The following CMTM5 variants were observed in gnomAD, a reference collection of about 807,000 sequenced individuals.
The protein encoded by CMTM5 is CKLF-like MARVEL transmembrane domain-containing protein 5.
Under a neutral mutation model 26.9 loss-of-function variants are expected in CMTM5, and 25 were observed. The ratio of observed to expected loss-of-function variants is 0.93; its 90% CI spans 0.68 to 1.30. The LOEUF (loss-of-function observed/expected upper bound fraction) is 1.30. Among genes scored for constraint, CMTM5 ranks in the 50% most tolerant of loss-of-function variants. The pLI, the probability that CMTM5 is intolerant of heterozygous loss-of-function variation, is 0.00. For missense variants in CMTM5, 292 were observed against 289.6 expected (o/e 1.01, Z -0.06); for synonymous variants, 98 against 115.5 (o/e 0.85, Z 0.97).
rs548929320 is a variant in CMTM5 at position 23,378,356 on chromosome 14, C to A, written c.134C>A (p.Thr45Asn). ...GILLETELAL[T>N]LIIFICFTAS... ...ACATGCTCGGTCCTGCAGGCCCTGA[C>A]CCTCATCATCTTCATCTGCTTCACG... The change falls in exon 2 of 6, where the codon ACC becomes AAC. Residue 45 changes from threonine to asparagine, a missense_variant. Coordinates refer to ENST00000339180, the MANE Select transcript of CMTM5 (RefSeq NM_001288746.2). This position sits in a 1 kb window ranked among gnomAD's most constrained non-coding sequence, Gnocchi z 4.2. 3.7e-6 allele frequency: 6 copies of A among 1,613,932 alleles called. No homozygotes were observed. In the East Asian group the frequency reaches 1.1e-4, roughly 30 times the overall value.
chr14:23,377,082 GC>G lies in CMTM5; in HGVS notation c.-165del. On this transcript the variant is annotated 5_prime_UTR_variant, in exon 1 of 6. Coordinates refer to ENST00000339180, the MANE Select transcript of CMTM5 (RefSeq NM_001288746.2). This position sits in a 1 kb window ranked among gnomAD's most constrained non-coding sequence, Gnocchi z 4.6. ...CTGGGTGAGGGCCCATCTGGGCAAG[GC>G]CCCCAGCGCCTGCCTTCTCTCCCGG... 1 of 859,782 alleles carries G rather than the reference GC, an allele frequency of 1.2e-6. No individual in the cohort carries two copies. The highest frequency in any genetic ancestry group is 1.8e-6 in the Non-Finnish European group (1 of 568,402). 53.3% of individuals were successfully genotyped at this position (859,782 alleles called of 1,614,324 possible).
chr14:23,379,209 G>A, intron 4 of CMTM5, 86 bp downstream of exon 4: 1 of 1,599,890 alleles, frequency 6.3e-7, no homozygotes. Context: ...CCACAGCCAG[G>A]ACTTGGGGTT....
At position 23,377,990 on chromosome 14, in the gene CMTM5, G is replaced by A. The variant is rs1595040551; in HGVS notation, c.127-359G>A. The A allele has an allele frequency of 4.1e-5, 10 of 245,552 alleles. No individual in the cohort carries two copies. In the East Asian group the frequency reaches 1.0e-3, roughly 26 times the overall value. The allele number at this position is 245,552 out of a possible 1,614,324, so 15.2% of individuals were successfully genotyped here. On this transcript the variant is annotated intron_variant, in intron 1 of 5. Transcript: ENST00000339180. The surrounding 1 kb of genome is among the most constrained non-coding windows in gnomAD (Gnocchi z 4.6). ...GGGGTGGGGAAAGCATTATGAGGCA[G>A]GGGGCTCCTCTTGGTCCCTGTGGAG...
Position 23,379,671 on chromosome 14 carries a change from A to G in CMTM5, c.*184A>G. On this transcript the variant is annotated 3_prime_UTR_variant, in exon 6 of 6. Transcript: ENST00000339180. ...CTGGTGCTCCAGGATGTGGCTTCTCATGAAGCTCTGGCCAGAGGAGGGGAA... is the reference window on the plus strand; with the variant it reads ...CTGGTGCTCCAGGATGTGGCTTCTCGTGAAGCTCTGGCCAGAGGAGGGGAA... 9.1e-7 allele frequency: 1 copy of G among 1,102,336 alleles called. No homozygotes were observed. The highest frequency in any genetic ancestry group is 1.5e-5 in the South Asian group (1 of 66,644). 68.3% of individuals were successfully genotyped at this position (1,102,336 alleles called of 1,614,324 possible). A position where few individuals can be genotyped will look rare whatever the true frequency, so the allele number is the denominator to read the frequency against.
At position 23,379,646 on chromosome 14, in the gene CMTM5, C is replaced by T. The variant is rs1890782842; in HGVS notation, c.*159C>T. 8.6e-6 allele frequency: 11 copies of T among 1,276,478 alleles called. No individual in the cohort carries two copies. The highest frequency in any genetic ancestry group is 1.1e-5 in the Non-Finnish European group (11 of 986,964). The allele number at this position is 1,276,478 out of a possible 1,614,324, so 79.1% of individuals were successfully genotyped here. A position where few individuals can be genotyped will look rare whatever the true frequency, so the allele number is the denominator to read the frequency against. On this transcript the variant is annotated 3_prime_UTR_variant, in exon 6 of 6. Coordinates refer to ENST00000339180, the MANE Select transcript of CMTM5 (RefSeq NM_001288746.2). ...GTCACTGGGGACTTATCTGTGGAGC[C>T]TGGTGCTCCAGGATGTGGCTTCTCA... is the stretch of plus-strand genomic sequence containing the variant.
Position 23,377,106 on chromosome 14 carries a change from C to T in CMTM5, c.-146C>T, listed in dbSNP as rs562083083. ...GGCCCCCAGCGCCTGCCTTCTCTCC[C>T]GGGGCCCTGTGGGCAAGCCTCCTGC... On this transcript the variant is annotated 5_prime_UTR_variant, in exon 1 of 6. Transcript: ENST00000339180. The surrounding 1 kb of genome is among the most constrained non-coding windows in gnomAD (Gnocchi z 4.6). 1,210 of 1,145,904 alleles carry T rather than the reference C, an allele frequency of 1.1e-3. 5 individuals are homozygous for T. The highest frequency in any genetic ancestry group is 1.1e-3 in the Non-Finnish European group (916 of 810,226). The allele number at this position is 1,145,904 out of a possible 1,614,324, so 71.0% of individuals were successfully genotyped here. A position where few individuals can be genotyped will look rare whatever the true frequency, so the allele number is the denominator to read the frequency against.
In CMTM5 at chr14:23,378,916, T is replaced by G; in HGVS notation, c.480+47T>G. ...TGTGCTTCATATTGTGTGAGGGGTA[T>G]CCTATGGAGGGGTTCAGAATCCCTC... On this transcript the variant is annotated intron_variant, in intron 3 of 5. Transcript: ENST00000339180. This position sits in a 1 kb window ranked among gnomAD's most constrained non-coding sequence, Gnocchi z 4.2. 1 of 1,607,848 alleles carries G rather than the reference T, an allele frequency of 6.2e-7. No homozygotes were observed. The highest frequency in any genetic ancestry group is 8.5e-7 in the Non-Finnish European group (1 of 1,175,798).
Position 23,377,258 on chromosome 14 carries a change from A to G in CMTM5, c.7A>G (p.Ser3Gly). The G allele has an allele frequency of 6.2e-7, 1 of 1,612,096 alleles. No homozygotes were observed. Among genetic ancestry groups the G allele is most frequent in the Non-Finnish European group, 8.5e-7 (1 of 1,179,290 alleles). Residue 3 changes from serine to glycine, a missense_variant, in exon 1 of 6, where the codon AGT becomes GGT. By Grantham distance (56) the Ser-to-Gly change is moderately conservative. Coordinates refer to ENST00000339180, the MANE Select transcript of CMTM5 (RefSeq NM_001288746.2). This position sits in a 1 kb window ranked among gnomAD's most constrained non-coding sequence, Gnocchi z 4.6. ...GTTGGTGGGCCCTACGAAGATGCTC[A>G]GTGCTCGAGATCGCCGGGACCGGCA... ML[S>G]ARDRRDRHPE...
rs191402703 is a variant in CMTM5, at chr14:23,378,982, C to T, written c.481-49C>T. The T allele has an allele frequency of 9.6e-3, 15,446 of 1,608,444 alleles. 94 individuals carry two copies. The highest frequency in any genetic ancestry group is 0.012 in the Non-Finnish European group (13,844 of 1,175,582). On this transcript the variant is annotated intron_variant, in intron 3 of 5. Coordinates refer to ENST00000339180, the MANE Select transcript of CMTM5 (RefSeq NM_001288746.2). This position sits in a 1 kb window ranked among gnomAD's most constrained non-coding sequence, Gnocchi z 4.2. ...GCTAGCCTGGAAAACTTCAGGGTAA[C>T]GCCCCCTGCCTTCTGAGGTCCTGTT...
Position 23,377,091 on chromosome 14 carries a change from G to A in CMTM5, c.-161G>A, listed in dbSNP as rs764874411. On this transcript the variant is annotated 5_prime_UTR_variant, in exon 1 of 6. Coordinates refer to ENST00000339180, the MANE Select transcript of CMTM5 (RefSeq NM_001288746.2). This position sits in a 1 kb window ranked among gnomAD's most constrained non-coding sequence, Gnocchi z 4.6. The stretch of plus-strand genomic sequence containing the variant: ...GGCCCATCTGGGCAAGGCCCCCAGC[G>A]CCTGCCTTCTCTCCCGGGGCCCTGT... 207 of 955,164 alleles carry A rather than the reference G, an allele frequency of 2.2e-4. No homozygotes were observed. Among genetic ancestry groups the A allele is most frequent in the Admixed American group, 3.9e-4 (15 of 38,712 alleles). 59.2% of individuals were successfully genotyped at this position (955,164 alleles called of 1,614,324 possible). A position where few individuals can be genotyped will look rare whatever the true frequency, so the allele number is the denominator to read the frequency against.
chr14:23,378,406 G>A lies in CMTM5; in HGVS notation c.184G>A (p.Ala62Thr), dbSNP rs758763630. The A allele has an allele frequency of 4.7e-5, 76 of 1,613,944 alleles. No individual in the cohort carries two copies. The South Asian group carries it at 7.2e-4, about 15-fold the overall frequency. The change falls in exon 2 of 6, where the codon GCG (alanine) becomes ACG (threonine). Residue 62 changes from alanine (A) to threonine (T), a missense_variant. Coordinates refer to ENST00000339180, the MANE Select transcript of CMTM5 (RefSeq NM_001288746.2). The surrounding 1 kb of genome is among the most constrained non-coding windows in gnomAD (Gnocchi z 4.2). ...FTASISAYMA[A>T]ALLEFFITLA... ...GGCCTCCATCTCTGCCTACATGGCC[G>A]CGGCGCTACTGGAGTTCTTCATCAC...
rs1437408932 is a variant in CMTM5, at chr14:23,377,923, A to G, written c.127-426A>G. 1 of 197,900 alleles carries G rather than the reference A, an allele frequency of 5.1e-6. No individual in the cohort carries two copies. Among genetic ancestry groups the G allele is most frequent in the Non-Finnish European group, 1.0e-5 (1 of 98,402 alleles). The allele number at this position is 197,900 out of a possible 1,614,324, so 12.3% of individuals were successfully genotyped here. A position where few individuals can be genotyped will look rare whatever the true frequency, so the allele number is the denominator to read the frequency against. ...CATCTGCCTTCTCTCTTGGCATGGA[A>G]TCAAAGGCTCTGGTCCTTGTCAGGG... On this transcript the variant is annotated intron_variant, in intron 1 of 5. Transcript: ENST00000339180. The surrounding 1 kb of genome is among the most constrained non-coding windows in gnomAD (Gnocchi z 4.6).
At chr14:23,379,178 G>A in intron 4 of CMTM5, 55 bp downstream of exon 4, 1 of 1,601,840 alleles carries the variant, frequency 6.2e-7, no homozygotes, top group Non-Finnish European at 8.5e-7. Context: ...GCTGGTGCTT[G>A]CACACTTTCT....
Position 23,378,798 on chromosome 14 carries a change from G to A in CMTM5, c.409G>A (p.Val137Ile). 6.2e-7 allele frequency: 1 copy of A among 1,612,592 alleles called. No homozygotes were observed. Among genetic ancestry groups the A allele is most frequent in the Non-Finnish European group, 8.5e-7 (1 of 1,179,818 alleles). The change falls in exon 3 of 6, where the codon GTT becomes ATT. Residue 137 changes from valine to isoleucine, a missense_variant. Coordinates refer to ENST00000339180, the MANE Select transcript of CMTM5 (RefSeq NM_001288746.2). The surrounding 1 kb of genome is among the most constrained non-coding windows in gnomAD (Gnocchi z 4.2). ...GWHTPAAVPW[V>I]PAPAPGFWSW... is the part of the protein sequence containing the mutation. ...GCATACTCCAGCCGCTGTCCCCTGG[G>A]TTCCAGCCCCAGCGCCTGGCTTCTG...
Position 23,378,076 on chromosome 14 carries a change from TGG to T in CMTM5, c.127-271_127-270del. The T allele has an allele frequency of 2.0e-6, 1 of 512,392 alleles. No individual in the cohort carries two copies. The highest frequency in any genetic ancestry group is 3.5e-6 in the Non-Finnish European group (1 of 285,848). The allele number at this position is 512,392 out of a possible 1,614,324, so 31.7% of individuals were successfully genotyped here. A position where few individuals can be genotyped will look rare whatever the true frequency, so the allele number is the denominator to read the frequency against. On this transcript the variant is annotated intron_variant, in intron 1 of 5. Transcript: ENST00000339180. The surrounding 1 kb of genome is among the most constrained non-coding windows in gnomAD (Gnocchi z 4.2). ...TTCACACTGTACCTATGAATTACTGTGGGATAGTGCTCCTGGGAGCCATATGG... is the reference window on the plus strand; with the variant it reads ...TTCACACTGTACCTATGAATTACTGTGATAGTGCTCCTGGGAGCCATATGG...
upstream of CMTM5, chr14:23,376,816 A>AG (rs1890576494): frequency 6.1e-6 from 1 of 164,618 alleles, no homozygotes; most frequent in Non-Finnish European, 1.3e-5. Flanking sequence ...AGGTTAGAGA[A>AG]GGGGGACACA....
chr14:23,379,205 C>A (rs973270433), intron 4 of CMTM5, 82 bp downstream of exon 4: 196 of 1,598,818 alleles, frequency 1.2e-4, no homozygotes, highest in Non-Finnish European at 1.6e-4. Context: ...GAAGCCACAG[C>A]CAGGACTTGG....
In CMTM5 at chr14:23,377,246, A is replaced by T; in HGVS notation, c.-6A>T. ...GTAGGGGGCTGTGTTGGTGGGCCCT[A>T]CGAAGATGCTCAGTGCTCGAGATCG... On this transcript the variant is annotated 5_prime_UTR_variant, in exon 1 of 6. Transcript: ENST00000339180. This position sits in a 1 kb window ranked among gnomAD's most constrained non-coding sequence, Gnocchi z 4.6. 1 of 1,611,636 alleles carries T rather than the reference A, an allele frequency of 6.2e-7. No individual in the cohort carries two copies.
rs1890665505 is a variant in CMTM5 at position 23,378,202 on chromosome 14, G to A, written c.127-147G>A. Reference sequence around the variant, plus strand: ...TGCAACGGTGGCTCCTGACACCAGGGGATAGGGAGATGTGCCAGAGTCCTT... The same window carrying A: ...TGCAACGGTGGCTCCTGACACCAGGAGATAGGGAGATGTGCCAGAGTCCTT... On this transcript the variant is annotated intron_variant, in intron 1 of 5. Transcript: ENST00000339180. The surrounding 1 kb of genome is among the most constrained non-coding windows in gnomAD (Gnocchi z 4.2). The A allele has an allele frequency of 4.8e-6, 4 of 829,718 alleles. No individual in the cohort carries two copies. The South Asian group carries it at 7.1e-5, about 15-fold the overall frequency. 51.4% of individuals were successfully genotyped at this position (829,718 alleles called of 1,614,324 possible).
Sources: gnomAD v4.1 joint callset for allele counts on GRCh38, gnomAD v4.1.1 for gene constraint, Gnocchi (gnomAD v3.1) non-coding constraint, MANE v1.5 for transcripts, NCBI Gene and HGNC (gene_info 2026-07-23, HGNC 2026-07-21) for gene names.